The following CNTNAP2 variants were observed in gnomAD, a reference collection of about 807,000 sequenced individuals.
The protein encoded by CNTNAP2 is contactin associated protein 2.
CNTNAP2 carries 98 observed loss-of-function variants against 155.2 expected under a neutral mutation model. The ratio of observed to expected loss-of-function variants is 0.63; its 90% CI spans 0.54 to 0.75. CNTNAP2 has a LOEUF of 0.75. CNTNAP2 is among the 30% of genes least tolerant of loss of function. The probability of loss-of-function intolerance (pLI) is 0.00; values close to 1 mark genes in which losing one functional copy is unlikely to be tolerated. For missense variants in CNTNAP2, 1,727 were observed against 1,688.1 expected (o/e 1.02, Z -0.40); for synonymous variants, 651 against 631.2 (o/e 1.03, Z -0.47).
chr7:147,419,501 A>C (rs1254728034), intron 10 of CNTNAP2, among the ~76,000 whole-genome samples: 2 of 152,208 alleles, frequency 1.3e-5, no homozygotes, highest in African/African-American at 4.8e-5. Context: ...CTGTCTAGCA[A>C]GATGCCTTAT....
intron 20 of CNTNAP2, among the ~76,000 whole-genome samples, chr7:148,250,666 G>C (rs1305772969): frequency 1.3e-5 from 2 of 152,178 alleles, no homozygotes; most frequent in Non-Finnish European, 2.9e-5. Flanking sequence ...GTTGGGTTCA[G>C]CTAGCAGAAC....
chr7:147,612,824 T>G (rs1801212865), intron 12 of CNTNAP2, among the ~76,000 whole-genome samples: 1 of 152,244 alleles, frequency 6.6e-6, no homozygotes, highest in Non-Finnish European at 1.5e-5. Context: ...ACTTGCATTT[T>G]CTACTCAATG....
chr7:147,737,095 G>A lies in CNTNAP2; in HGVS notation c.2098+97789G>A, dbSNP rs189240923. Reference sequence around the variant, plus strand: ...TGCATTCCTTTGGAGGTGGAGAGGCGCTCTGATTTCATAGAATTTTCAGTT... The same window carrying A: ...TGCATTCCTTTGGAGGTGGAGAGGCACTCTGATTTCATAGAATTTTCAGTT... On this transcript the variant is annotated intron_variant, in intron 13 of 23. Coordinates refer to ENST00000361727, the MANE Select transcript of CNTNAP2 (RefSeq NM_014141.6). Among the ~76,000 whole-genome samples, 548 of 152,244 alleles carry A rather than the reference G, an allele frequency of 3.6e-3. 5 individuals carry two copies. Among genetic ancestry groups the A allele is most frequent in the African/African-American group, 0.011 (476 of 41,540 alleles).
intron 15 of CNTNAP2, among the ~76,000 whole-genome samples, chr7:147,997,226 T>A (rs1258851192): frequency 1.3e-5 from 2 of 152,200 alleles, no homozygotes; most frequent in Non-Finnish European, 2.9e-5. Context: ...GTTGGCAGTG[T>A]CACGATGCCT....
At chr7:146,661,464 C>G (rs2129166031) in intron 1 of CNTNAP2, among the ~76,000 whole-genome samples, 1 of 152,218 alleles carries the variant, frequency 6.6e-6, no homozygotes, top group South Asian at 2.1e-4. Context: ...CTGGTCACCA[C>G]TGTTTTGCTT....
intron 3 of CNTNAP2, among the ~76,000 whole-genome samples, chr7:147,033,174 A>ATATATATATG (rs1440785735): frequency 5.7e-4 from 27 of 47,518 alleles, no homozygotes; most frequent in African/African-American, 2.0e-3. Flanking sequence ...ATATATATAT[A>ATATATATATG]TATATATATA....
chr7:148,178,304 T>C (rs938740034), intron 18 of CNTNAP2, among the ~76,000 whole-genome samples: 5 of 152,176 alleles, frequency 3.3e-5, no homozygotes, highest in African/African-American at 4.8e-5. Flanking sequence ...CTGAAACCAT[T>C]TTCTGAGTTA....
At chr7:147,787,117 G>A (rs183408797) in intron 13 of CNTNAP2, among the ~76,000 whole-genome samples, 60 of 152,320 alleles carry the variant, frequency 3.9e-4, no homozygotes, top group African/African-American at 1.2e-3. Flanking sequence ...TGATGCATAT[G>A]GTAGAGAATG....
intron 13 of CNTNAP2, among the ~76,000 whole-genome samples, chr7:147,856,187 G>T (rs1318711395): frequency 6.6e-6 from 1 of 152,112 alleles, no homozygotes; most frequent in Non-Finnish European, 1.5e-5. Flanking sequence ...AGGGTTTCTT[G>T]TTCAGCCATA....
At chr7:147,952,261 G>GT (rs1307063323) in intron 14 of CNTNAP2, among the ~76,000 whole-genome samples, 1 of 43,478 alleles carries the variant, frequency 2.3e-5, no homozygotes, top group Non-Finnish European at 7.3e-5. Flanking sequence ...TGAACAACAC[G>GT]GAGAAACCCC....
At chr7:147,726,797 A>G (rs1182219390) in intron 13 of CNTNAP2, among the ~76,000 whole-genome samples, 1 of 152,034 alleles carries the variant, frequency 6.6e-6, no homozygotes, top group Non-Finnish European at 1.5e-5. Flanking sequence ...AATAACTTCA[A>G]CAGTTTTTAT....
chr7:147,385,214 C>A (rs1329174621), intron 9 of CNTNAP2, among the ~76,000 whole-genome samples: 2 of 152,176 alleles, frequency 1.3e-5, no homozygotes, highest in African/African-American at 4.8e-5. Context: ...GTGGGAGTTA[C>A]AATTCAAAGT....
At chr7:146,502,766 C>A (rs1468164298) in intron 1 of CNTNAP2, among the ~76,000 whole-genome samples, 4 of 152,104 alleles carry the variant, frequency 2.6e-5, no homozygotes, top group Non-Finnish European at 1.5e-5. Context: ...CAAGCGTGCA[C>A]CAACATGCTG....
chr7:147,766,304 CTT>C (rs1270701589), intron 13 of CNTNAP2, among the ~76,000 whole-genome samples: 1 of 152,106 alleles, frequency 6.6e-6, no homozygotes, highest in Admixed American at 6.6e-5. Flanking sequence ...TAATTATAGA[CTT>C]TTAAAATATA....
At chr7:147,967,203 G>A (rs1801231263) in intron 14 of CNTNAP2, among the ~76,000 whole-genome samples, 1 of 152,142 alleles carries the variant, frequency 6.6e-6, no homozygotes, top group South Asian at 2.1e-4. Context: ...GATGCACAAA[G>A]TAAAATGTAT....
At chr7:147,400,516 A>G (rs1334747854) in intron 10 of CNTNAP2, among the ~76,000 whole-genome samples, 2 of 152,040 alleles carry the variant, frequency 1.3e-5, no homozygotes, top group African/African-American at 2.4e-5. Flanking sequence ...TTGGTTTGAC[A>G]ATTTTTTTTT....
intron 1 of CNTNAP2, among the ~76,000 whole-genome samples, chr7:146,625,276 A>T (rs922939978): frequency 4.0e-5 from 6 of 151,886 alleles, no homozygotes; most frequent in Non-Finnish European, 5.9e-5. Context: ...AATTAAGGAC[A>T]TGAGACAAGA....
chr7:147,117,747 A>G (rs1801018198), intron 5 of CNTNAP2, among the ~76,000 whole-genome samples: 1 of 152,172 alleles, frequency 6.6e-6, no homozygotes, highest in Non-Finnish European at 1.5e-5. Flanking sequence ...GTATTATACT[A>G]AAAATTGCAA....
intron 1 of CNTNAP2, among the ~76,000 whole-genome samples, chr7:146,155,313 C>T (rs1562970207): frequency 6.6e-6 from 1 of 152,156 alleles, no homozygotes; most frequent in East Asian, 1.9e-4. Flanking sequence ...AAGTTGACTT[C>T]CCCAAAGGAC....
Sources: gnomAD v4.1 joint callset for allele counts (sites outside exome capture counted in the v4.1 genomes callset) on GRCh38, gnomAD v4.1.1 for gene constraint, MANE v1.5 for transcripts, NCBI Gene and HGNC (gene_info 2026-07-23, HGNC 2026-07-21) for gene names.